Variants in VPS13C observed in about 807,000 individuals in gnomAD.
VPS13C encodes intermembrane lipid transfer protein VPS13C.
A neutral mutation model predicts 456.8 loss-of-function variants in VPS13C; 358 were observed. The ratio of observed to expected loss-of-function variants is 0.78; its 90% CI spans 0.72 to 0.86. The LOEUF (loss-of-function observed/expected upper bound fraction) is 0.86, where lower values mean the gene tolerates loss of function less well. Ranked by LOEUF, VPS13C falls within the 40% of genes least tolerant of loss-of-function variation. The pLI is 0.00. For missense variants in VPS13C, 4,818 were observed against 4,385.4 expected, an observed-to-expected ratio of 1.10 and a Z score of -2.79; for synonymous variants, 1,578 against 1,486.7, an observed-to-expected ratio of 1.06 and a Z score of -1.41.
chr15:62,055,950 G>A (rs1459563086), intron 1 of VPS13C, among the ~76,000 whole-genome samples: 2 of 152,036 alleles, frequency 1.3e-5, no homozygotes, highest in African/African-American at 4.8e-5. Context: ...AGTACTCCAG[G>A]GTCTATCTGC....
chr15:61,863,529 C>T lies in VPS13C; in HGVS notation c.10864-1G>A. On this transcript the variant is annotated splice_acceptor_variant, in intron 81 of 84. Coordinates refer to ENST00000644861, the MANE Select transcript of VPS13C (RefSeq NM_020821.3). LOFTEE classifies it high-confidence loss of function. ...CTCCTTCCAACTTTTTGATATGATT[C>T]TGAAAAGGAAACCAGGCTCTAGATT... 2 of 1,610,240 alleles carry T rather than the reference C, an allele frequency of 1.2e-6. No homozygotes were observed. The highest frequency in any genetic ancestry group is 1.7e-6 in the Non-Finnish European group (2 of 1,177,068).
At chr15:62,005,976 T>A (rs903847692) in intron 15 of VPS13C, among the ~76,000 whole-genome samples, 27 of 152,214 alleles carry the variant, frequency 1.8e-4, no homozygotes, top group African/African-American at 5.1e-4. Context: ...AGTGCTGGGA[T>A]TATAGGTGTG....
chr15:61,987,133 T>A (rs927692830), intron 18 of VPS13C, among the ~76,000 whole-genome samples: 1 of 151,908 alleles, frequency 6.6e-6, no homozygotes, highest in South Asian at 2.1e-4. Context: ...AAAAGCAGCA[T>A]GTACTTTTGA....
At chr15:61,856,687 C>CTTTTTTTTTT (rs542779595) in intron 82 of VPS13C, 555 of 114,588 alleles carry the variant, frequency 4.8e-3, no homozygotes, top group Non-Finnish European at 5.4e-3. Flanking sequence ...TTTTTCTTTT[C>CTTTTTTTTTT]TTTTTTTTTT....
chr15:61,953,272 GTACATGT>G (rs2044867275), intron 38 of VPS13C, among the ~76,000 whole-genome samples: 1 of 150,800 alleles, frequency 6.6e-6, no homozygotes, highest in African/African-American at 2.4e-5. Context: ...AAGTTTTAGG[GTACATGT>G]GCACAATGCG....
intron 50 of VPS13C, among the ~76,000 whole-genome samples, chr15:61,930,846 C>T (rs967041820): frequency 6.6e-6 from 1 of 152,176 alleles, no homozygotes; most frequent in African/African-American, 2.4e-5. Flanking sequence ...ACTATTAAAA[C>T]TCATTTTCTC....
At chr15:61,914,121 G>C (rs2043387814) in intron 61 of VPS13C, among the ~76,000 whole-genome samples, 1 of 152,168 alleles carries the variant, frequency 6.6e-6, no homozygotes, top group Non-Finnish European at 1.5e-5. Flanking sequence ...CTAGAGGTCA[G>C]ACACATATAC....
At chr15:62,011,739 A>C (rs1236606467) in intron 12 of VPS13C, among the ~76,000 whole-genome samples, 1 of 152,016 alleles carries the variant, frequency 6.6e-6, no homozygotes, top group Non-Finnish European at 1.5e-5. Context: ...CTGCAATAGT[A>C]ACATAAGGGT....
intron 73 of VPS13C, among the ~76,000 whole-genome samples, chr15:61,880,359 G>A (rs182222907): frequency 9.3e-4 from 141 of 152,140 alleles, no homozygotes; most frequent in Admixed American, 1.7e-3. Context: ...ATTAAGAAAC[G>A]CTTTTGTCAG....
chr15:61,967,197 G>A (rs1262875672), intron 29 of VPS13C, among the ~76,000 whole-genome samples, 171 bp downstream of exon 29: 1 of 151,762 alleles, frequency 6.6e-6, no homozygotes, highest in Non-Finnish European at 1.5e-5. Context: ...TAATAGCCCC[G>A]TACTTAAGTG....
chr15:61,874,921 C>T lies in VPS13C; in HGVS notation c.10369G>A (p.Glu3457Lys), dbSNP rs751656187. The T allele has an allele frequency of 1.3e-5, 21 of 1,590,684 alleles. No individual in the cohort carries two copies. The East Asian group carries it at 4.8e-4, about 36-fold the overall frequency. ...GAVQGPEEFA[E>K]GLVIGVRSLF... Reference sequence around the variant, plus strand: ...CTTCTCACTCCAATCACTAACCCCTCTGCAAATTCTTCAGGGCCTTGAACA... The same window carrying T: ...CTTCTCACTCCAATCACTAACCCCTTTGCAAATTCTTCAGGGCCTTGAACA... The change falls in exon 77 of 85, where the codon GAG (glutamate) becomes AAG (lysine). Residue 3457 changes from glutamate (E) to lysine (K), a missense_variant. Physicochemically the swap from Glu to Lys is moderately conservative, Grantham distance 56. This residue lies in a region of VPS13C where 4,552 missense variants were observed against 4,130.6 expected (regional missense o/e 1.10). Coordinates refer to ENST00000644861, the MANE Select transcript of VPS13C (RefSeq NM_020821.3).
At chr15:62,023,602 T>C (rs2140583508) in intron 7 of VPS13C, 82 bp from the exon 8 acceptor site, 1 of 1,168,652 alleles carries the variant, frequency 8.6e-7, no homozygotes, top group Middle Eastern at 2.3e-4. Flanking sequence ...ATAGCTAAGG[T>C]ACTACTCAAT....
At chr15:61,996,892 C>T (rs1405559108) in intron 16 of VPS13C, among the ~76,000 whole-genome samples, 2 of 146,726 alleles carry the variant, frequency 1.4e-5, no homozygotes, top group South Asian at 2.2e-4. Context: ...CACACACACA[C>T]ACACATATAT....
intron 81 of VPS13C, chr15:61,866,908 CT>C: frequency 1.0e-6 from 1 of 984,090 alleles, no homozygotes; most frequent in Non-Finnish European, 1.2e-6. Context: ...TAAGTTTATA[CT>C]TTGGCTTCAT....
chr15:62,059,688 T>G lies in VPS13C; in HGVS notation c.100+587A>C, dbSNP rs2048924720. Among the ~76,000 whole-genome samples the G allele has an allele frequency of 3.9e-5, 6 of 152,262 alleles. No individual in the cohort carries two copies. In the South Asian group the frequency reaches 1.0e-3, roughly 26 times the overall value. ...AGTAAATATTAAAGGAAGAAATCAT[T>G]TTCACAGGAGCTGAAAGCATTAAGA... On this transcript the variant is annotated intron_variant, in intron 1 of 84. Coordinates refer to ENST00000644861, the MANE Select transcript of VPS13C (RefSeq NM_020821.3).
chr15:61,899,983 A>G, intron 66 of VPS13C, among the ~76,000 whole-genome samples: 1 of 152,194 alleles, frequency 6.6e-6, no homozygotes, highest in East Asian at 1.9e-4. Context: ...AATGTAATCC[A>G]GCATATAAAC....
At chr15:61,873,854 A>G (rs577587463) in intron 77 of VPS13C, among the ~76,000 whole-genome samples, 21 of 152,080 alleles carry the variant, frequency 1.4e-4, no homozygotes, top group Non-Finnish European at 2.6e-4. Context: ...GAGTATATCA[A>G]GAGATGTCTG....
At chr15:62,038,199 A>G (rs2048127184) in intron 3 of VPS13C, among the ~76,000 whole-genome samples, 1 of 152,172 alleles carries the variant, frequency 6.6e-6, no homozygotes, top group South Asian at 2.1e-4. Flanking sequence ...AAAACTGAGG[A>G]AAAACTCATC....
chr15:61,893,909 C>T (rs963100686), intron 66 of VPS13C, among the ~76,000 whole-genome samples: 4 of 151,810 alleles, frequency 2.6e-5, no homozygotes, highest in South Asian at 2.1e-4. Context: ...AATAAATATA[C>T]TAAAAATGCA....
Sources: allele counts gnomAD v4.1 joint callset (sites outside exome capture counted in the v4.1 genomes callset), GRCh38; gene constraint gnomAD v4.1.1; regional missense constraint gnomAD v4.1.1; transcripts MANE v1.5; gene names NCBI Gene and HGNC (gene_info 2026-07-23, HGNC 2026-07-21).